The following SMARCA5 variants were observed in gnomAD, a reference collection of about 807,000 sequenced individuals.
The protein encoded by SMARCA5 is SWI/SNF-related matrix-associated actin-dependent regulator of chromatin subfamily A member 5.
SMARCA5 carries 18 observed loss-of-function variants against 140.4 expected under a neutral mutation model. The ratio of observed to expected loss-of-function variants is 0.13; its 90% CI spans 0.09 to 0.19. The LOEUF (loss-of-function observed/expected upper bound fraction) is 0.19. SMARCA5 is among the 10% of genes least tolerant of loss of function. SMARCA5 has a pLI of 1.00. For missense variants in SMARCA5, 606 were observed against 1,276.8 expected (o/e 0.47, Z 8.01); for synonymous variants, 449 against 419.6 (o/e 1.07, Z -0.86).
chr4:143,522,461 A>AG (rs1224539745), intron 3 of SMARCA5, among the ~76,000 whole-genome samples: 1 of 152,260 alleles, frequency 6.6e-6, no homozygotes, highest in Non-Finnish European at 1.5e-5. Context: ...GTTTAAAAGA[A>AG]GAAGTATCAA....
At chr4:143,519,027 GTCCT>G (rs1736900316) in intron 2 of SMARCA5, among the ~76,000 whole-genome samples, 1 of 151,596 alleles carries the variant, frequency 6.6e-6, no homozygotes. Flanking sequence ...TTATTCCTTT[GTCCT>G]TCCTTATTAA....
chr4:143,534,919 A>C lies in SMARCA5; in HGVS notation c.1223A>C (p.Lys408Thr). 6.2e-7 allele frequency: 1 copy of C among 1,613,488 alleles called. No homozygotes were observed. Among genetic ancestry groups the C allele is most frequent in the Non-Finnish European group, 8.5e-7 (1 of 1,179,730 alleles). ...ADVEKSLPPK[K>T]EVKIYVGLSK... ...GTTGAAAAGAGTTTGCCTCCAAAGA[A>C]GGAAGTAAAAATCTATGTGGGCCTC... The change falls in exon 10 of 24, where the codon AAG (lysine) becomes ACG (threonine). Residue 408 changes from lysine to threonine, a missense_variant. Coordinates refer to ENST00000283131, the MANE Select transcript of SMARCA5 (RefSeq NM_003601.4).
At chr4:143,550,498 C>G (rs1051971397) in intron 23 of SMARCA5, among the ~76,000 whole-genome samples, 1 of 151,778 alleles carries the variant, frequency 6.6e-6, no homozygotes, top group Non-Finnish European at 1.5e-5. Flanking sequence ...TTATTTATTG[C>G]GGTAGTCACT....
At chr4:143,546,314 AT>A (rs2149824631) in intron 19 of SMARCA5, among the ~76,000 whole-genome samples, 1 of 152,024 alleles carries the variant, frequency 6.6e-6, no homozygotes, top group African/African-American at 2.4e-5. Context: ...TTTCCTATGA[AT>A]TTTCCACATT....
intron 22 of SMARCA5, among the ~76,000 whole-genome samples, chr4:143,549,264 A>G (rs1278900331): frequency 6.6e-6 from 1 of 152,044 alleles, no homozygotes; most frequent in Non-Finnish European, 1.5e-5. Context: ...TGTGTGGTGT[A>G]TTCTATACAG....
rs1736757103 is a variant in SMARCA5, at chr4:143,513,877, C to T, written c.-48C>T. The T allele has an allele frequency of 2.0e-6, 3 of 1,526,650 alleles. No homozygotes were observed. Among genetic ancestry groups the T allele is most frequent in the East Asian group, 4.9e-5 (2 of 40,588 alleles). The allele number at this position is 1,526,650 out of a possible 1,614,324, so 94.6% of individuals were successfully genotyped here. On this transcript the variant is annotated 5_prime_UTR_variant, in exon 1 of 24. Coordinates refer to ENST00000283131, the MANE Select transcript of SMARCA5 (RefSeq NM_003601.4). ...AGGCCTAGGCCTCCCCGTCCATCCCCGCCGGACTCGGGCCTCTGGCAGCAG... is the reference window on the plus strand; with the variant it reads ...AGGCCTAGGCCTCCCCGTCCATCCCTGCCGGACTCGGGCCTCTGGCAGCAG...
At chr4:143,541,633 G>A (rs1250036551) in intron 14 of SMARCA5, among the ~76,000 whole-genome samples, 1 of 152,104 alleles carries the variant, frequency 6.6e-6, no homozygotes, top group Non-Finnish European at 1.5e-5. Context: ...TAAATTACTT[G>A]TTCATTGTAC....
intron 9 of SMARCA5, among the ~76,000 whole-genome samples, chr4:143,533,818 G>C (rs1275469185): frequency 1.3e-5 from 2 of 152,100 alleles, no homozygotes; most frequent in African/African-American, 4.8e-5. Flanking sequence ...CAAGTAACTA[G>C]TTTTAGACCT....
intron 2 of SMARCA5, 97 bp downstream of exon 2, chr4:143,517,526 C>T: frequency 1.5e-6 from 1 of 670,588 alleles, no homozygotes; most frequent in South Asian, 2.3e-5. Flanking sequence ...TGTGTTACAA[C>T]AATACCACAG....
chr4:143,531,372 C>T (rs1418285794), intron 9 of SMARCA5, among the ~76,000 whole-genome samples: 3 of 152,164 alleles, frequency 2.0e-5, no homozygotes, highest in Non-Finnish European at 4.4e-5. Context: ...CTCTAACAGA[C>T]ACCAGATTAA....
intron 6 of SMARCA5, among the ~76,000 whole-genome samples, chr4:143,526,820 C>T (rs1045703388): frequency 3.3e-5 from 5 of 151,106 alleles, no homozygotes; most frequent in Middle Eastern, 6.8e-3. Flanking sequence ...GCCGAGATGG[C>T]GCCACTGCAC....
rs769489336 is a variant in SMARCA5 at position 143,553,203 on chromosome 4, A to C, written c.*19A>C. ...ACTATGAATATGTTTTTGTTTCATA[A>C]TCACTAACTTTAAACCAGTAGTTCT... On this transcript the variant is annotated 3_prime_UTR_variant, in exon 24 of 24. Coordinates refer to ENST00000283131, the MANE Select transcript of SMARCA5 (RefSeq NM_003601.4). 4.4e-6 allele frequency: 7 copies of C among 1,573,568 alleles called. No individual in the cohort carries two copies. The South Asian group carries it at 7.8e-5, about 17-fold the overall frequency.
chr4:143,536,775 C>G, intron 11 of SMARCA5, 97 bp downstream of exon 11: 1 of 825,650 alleles, frequency 1.2e-6, no homozygotes, highest in Non-Finnish European at 2.0e-6. Flanking sequence ...CTGATGCTTT[C>G]CAAGGTTGAC....
At chr4:143,551,917 A>G (rs767668950) in intron 23 of SMARCA5, among the ~76,000 whole-genome samples, 3 of 151,896 alleles carry the variant, frequency 2.0e-5, no homozygotes, top group Non-Finnish European at 2.9e-5. Flanking sequence ...GGTCCATATA[A>G]ATTTTAGTAT....
At chr4:143,518,217 T>A (rs971924090) in intron 2 of SMARCA5, among the ~76,000 whole-genome samples, 1 of 152,198 alleles carries the variant, frequency 6.6e-6, no homozygotes, top group Non-Finnish European at 1.5e-5. Flanking sequence ...ACGTTCCGTA[T>A]CTTCTAAGAA....
At position 143,542,594 on chromosome 4, in the gene SMARCA5, TG is replaced by T. The variant is rs1326802043; in HGVS notation, c.1904-914del. On this transcript the variant is annotated intron_variant, in intron 14 of 23. Coordinates refer to ENST00000283131, the MANE Select transcript of SMARCA5 (RefSeq NM_003601.4). ...TGATACAAGTATTTAAAGAAGTTGT[TG>T]AAAACTTGGATCTTTTTCCACTTAC... 2.6e-5 allele frequency among the ~76,000 whole-genome samples: 4 copies of T among 152,310 alleles called. No homozygotes were observed. In the South Asian group the frequency reaches 6.2e-4, roughly 24 times the overall value.
In SMARCA5 at chr4:143,545,462, T is replaced by C. The variant is rs202110922; in HGVS notation, c.2284-8T>C. ...TTATGGATAACACTTATTTTTGTTT[T>C]TCTTTAGGCTCCTCGACCTCCAAAA... On this transcript the variant is annotated splice_polypyrimidine_tract_variant and splice_region_variant and intron_variant, in intron 17 of 23. Coordinates refer to ENST00000283131, the MANE Select transcript of SMARCA5 (RefSeq NM_003601.4). 40 of 1,586,016 alleles carry C rather than the reference T, an allele frequency of 2.5e-5. No individual in the cohort carries two copies. Among genetic ancestry groups the C allele is most frequent in the East Asian group, 1.8e-4 (8 of 44,698 alleles).
intron 9 of SMARCA5, among the ~76,000 whole-genome samples, chr4:143,530,763 T>A (rs973393090): frequency 5.9e-5 from 9 of 152,180 alleles, no homozygotes; most frequent in Admixed American, 2.6e-4. Context: ...TCTCTTACAG[T>A]TATACAAAAT....
chr4:143,525,070 GA>G (rs1737039846), intron 4 of SMARCA5, among the ~76,000 whole-genome samples: 1 of 143,478 alleles, frequency 7.0e-6, no homozygotes, highest in Non-Finnish European at 1.5e-5. Context: ...TTACTAGAAA[GA>G]AAATAAAATC....
Sources: gnomAD v4.1 joint callset for allele counts (sites outside exome capture counted in the v4.1 genomes callset) on GRCh38, gnomAD v4.1.1 for gene constraint, MANE v1.5 for transcripts, NCBI Gene and HGNC (gene_info 2026-07-23, HGNC 2026-07-21) for gene names.